Variants in SLC13A3 observed in about 807,000 individuals in gnomAD.
SLC13A3 encodes the protein solute carrier family 13 member 3.
In SLC13A3, 40 loss-of-function variants were observed where a neutral mutation model predicts 59.0. The ratio of observed to expected loss-of-function variants is 0.68; its 90% CI spans 0.53 to 0.88. The LOEUF is 0.88. Among genes scored for constraint, SLC13A3 ranks in the 40% least tolerant of loss-of-function variants. The pLI, the probability that SLC13A3 is intolerant of heterozygous loss-of-function variation, is 0.00. For missense variants in SLC13A3, 699 were observed against 783.2 expected (o/e 0.89, Z 1.28); for synonymous variants, 317 against 330.3 (o/e 0.96, Z 0.44).
In SLC13A3 at chr20:46,647,945, T is replaced by C. The variant is rs372196364; in HGVS notation, c.111+3366A>G. 2.0e-3 allele frequency among the ~76,000 whole-genome samples: 308 copies of C among 152,328 alleles called. 1 individual carries two copies. The highest frequency in any genetic ancestry group is 6.0e-3 in the South Asian group (29 of 4,826). ...AGTTTCGCAAGTTGTTAGTGATCCATGTATACAATACAACCTGCATTCATG... is the reference window on the plus strand; with the variant it reads ...AGTTTCGCAAGTTGTTAGTGATCCACGTATACAATACAACCTGCATTCATG... On this transcript the variant is annotated intron_variant, in intron 1 of 12. Coordinates refer to ENST00000279027, the MANE Select transcript of SLC13A3 (RefSeq NM_022829.6).
chr20:46,599,936 C>A, intron 4 of SLC13A3, 35 bp downstream of exon 4: 1 of 1,468,956 alleles, frequency 6.8e-7, no homozygotes, highest in South Asian at 1.3e-5. Flanking sequence ...TTGAATCAAG[C>A]ACTGGGTCCT....
upstream of SLC13A3, among the ~76,000 whole-genome samples, chr20:46,652,545 TA>T (rs1468110978): frequency 7.3e-5 from 7 of 96,518 alleles, no homozygotes; most frequent in African/African-American, 2.0e-4. Context: ...CATATCTGGC[TA>T]ATTTTTTTTT....
chr20:46,583,015 C>T (rs1478661520), intron 9 of SLC13A3: 2 of 985,922 alleles, frequency 2.0e-6, no homozygotes, highest in East Asian at 2.3e-4. Flanking sequence ...TGAAACCCAG[C>T]TTGTGTTTTC....
intron 3 of SLC13A3, among the ~76,000 whole-genome samples, chr20:46,607,899 C>T (rs999956368): frequency 4.6e-5 from 7 of 152,092 alleles, no homozygotes; most frequent in African/African-American, 9.7e-5. Context: ...ATGCTTGCTC[C>T]GTCTCATTCA....
Position 46,571,468 on chromosome 20 carries a change from C to G in SLC13A3, c.1332+4105G>C, listed in dbSNP as rs550446536. Among the ~76,000 whole-genome samples, 5 of 152,112 alleles carry G rather than the reference C, an allele frequency of 3.3e-5. No homozygotes were observed. In the East Asian group the frequency reaches 9.7e-4, roughly 29 times the overall value. ...TGAGTGTGGCTCCTGGTTTGAGCAC[C>G]CAGGGTATATCACCACTCTTCTGGG... On this transcript the variant is annotated intron_variant, in intron 10 of 12. Transcript: ENST00000279027.
At chr20:46,674,604 C>CGCGCGTGTGTGT (rs370861850), upstream of SLC13A3, among the ~76,000 whole-genome samples, 15 of 127,952 alleles carry the variant, frequency 1.2e-4, no homozygotes, top group African/African-American at 2.5e-4. Context: ...CGCGCGCGCG[C>CGCGCGTGTGTGT]GTGTGTGTGT....
At chr20:46,647,825 C>A (rs148810150) in intron 1 of SLC13A3, among the ~76,000 whole-genome samples, 153 of 152,264 alleles carry the variant, frequency 1.0e-3, no homozygotes, top group African/African-American at 3.6e-3. Context: ...AGCTGGAAAC[C>A]CAGGCCCCAA....
At chr20:46,617,522 T>C (rs1311498374) in intron 1 of SLC13A3, among the ~76,000 whole-genome samples, 2 of 152,214 alleles carry the variant, frequency 1.3e-5, no homozygotes, top group African/African-American at 2.4e-5. Context: ...AGGCTCTTTC[T>C]GCCAAATATC....
intron 1 of SLC13A3, among the ~76,000 whole-genome samples, chr20:46,676,838 C>G (rs2122945254): frequency 6.6e-6 from 1 of 152,356 alleles, no homozygotes; most frequent in East Asian, 1.9e-4. Flanking sequence ...TGAGAGGCAA[C>G]TGCAGGGGTT....
At chr20:46,636,037 G>A (rs1002348034) in intron 1 of SLC13A3, among the ~76,000 whole-genome samples, 1 of 152,166 alleles carries the variant, frequency 6.6e-6, no homozygotes, top group African/African-American at 2.4e-5. Flanking sequence ...GAAAACTCAT[G>A]AATAATCCAC....
intron 1 of SLC13A3, among the ~76,000 whole-genome samples, chr20:46,628,876 T>C (rs2122803026): frequency 6.6e-6 from 1 of 152,366 alleles, no homozygotes; most frequent in South Asian, 2.1e-4. Context: ...TCTAGAGAAC[T>C]CAGGCCCAAG....
chr20:46,583,497 C>A, intron 9 of SLC13A3, 75 bp downstream of exon 9: 1 of 1,578,104 alleles, frequency 6.3e-7, no homozygotes. Context: ...GTGGGGGGCT[C>A]CAGGCCCTTG....
intron 1 of SLC13A3, among the ~76,000 whole-genome samples, chr20:46,616,688 A>G (rs1229456790): frequency 6.6e-6 from 1 of 152,182 alleles, no homozygotes; most frequent in African/African-American, 2.4e-5. Flanking sequence ...GGATGTGGGG[A>G]AGCAGTGGCA....
At chr20:46,631,880 G>GC (rs990477902) in intron 1 of SLC13A3, among the ~76,000 whole-genome samples, 1 of 152,044 alleles carries the variant, frequency 6.6e-6, no homozygotes, top group African/African-American at 2.4e-5. Context: ...TTTTCCTACT[G>GC]CCCCCCAACT....
chr20:46,651,641 A>G (rs2062953262), upstream of SLC13A3, among the ~76,000 whole-genome samples: 1 of 152,148 alleles, frequency 6.6e-6, no homozygotes, highest in Non-Finnish European at 1.5e-5. Flanking sequence ...AGCAAACGGG[A>G]CCCCAGCCGC....
intron 1 of SLC13A3, among the ~76,000 whole-genome samples, chr20:46,665,685 A>G (rs1448578547): frequency 6.6e-6 from 1 of 152,236 alleles, no homozygotes; most frequent in Non-Finnish European, 1.5e-5. Context: ...TCTGGCTATT[A>G]TGAATAATGC....
At chr20:46,627,824 C>T (rs1422824127) in intron 1 of SLC13A3, among the ~76,000 whole-genome samples, 1 of 152,198 alleles carries the variant, frequency 6.6e-6, no homozygotes, top group East Asian at 1.9e-4. Flanking sequence ...TCACCGGACT[C>T]TGTACTGAAA....
rs1435557818 is a variant in SLC13A3 at position 46,651,391 on chromosome 20, C to T, written c.31G>A (p.Val11Met). ...ACCAGCAGCCGCCGCGCGCTCCACACCTTCTTGGCCGCTGCTGCCAGCGCC... is the reference window on the plus strand; with the variant it reads ...ACCAGCAGCCGCCGCGCGCTCCACATCTTCTTGGCCGCTGCTGCCAGCGCC... MAALAAAAKK[V>M]WSARRLLVLL... Residue 11 changes from valine (V) to methionine (M), a missense_variant, in exon 1 of 13, where the codon GTG becomes ATG. By Grantham distance (21) the Val-to-Met change is conservative (BLOSUM62 1). Coordinates refer to ENST00000279027, the MANE Select transcript of SLC13A3 (RefSeq NM_022829.6). The T allele has an allele frequency of 6.7e-7, 1 of 1,501,268 alleles. No individual in the cohort carries two copies. The highest frequency in any genetic ancestry group is 1.3e-5 in the South Asian group (1 of 79,544). The allele number at this position is 1,501,268 out of a possible 1,614,324, so 93.0% of individuals were successfully genotyped here. A position where few individuals can be genotyped will look rare whatever the true frequency, so the allele number is the denominator to read the frequency against.
chr20:46,652,598 T>C (rs1346944374), upstream of SLC13A3, among the ~76,000 whole-genome samples: 1 of 151,022 alleles, frequency 6.6e-6, no homozygotes, highest in East Asian at 1.9e-4. Context: ...GTTTCACCAT[T>C]TTGGCCAGGC....
Sources: allele counts gnomAD v4.1 joint callset (sites outside exome capture counted in the v4.1 genomes callset), GRCh38; gene constraint gnomAD v4.1.1; transcripts MANE v1.5; gene names NCBI Gene and HGNC (gene_info 2026-07-23, HGNC 2026-07-21).